TPBG: variants seen among roughly 807,000 people sequenced by gnomAD.
TPBG encodes the protein 5T4 oncofetal antigen.
TPBG carries 13 observed loss-of-function variants against 19.3 expected under a neutral mutation model. The ratio of observed to expected loss-of-function variants is 0.67; its 90% CI spans 0.44 to 1.07. TPBG has a LOEUF of 1.07. Among genes scored for constraint, TPBG ranks in the 50% least tolerant of loss-of-function variants. TPBG has a pLI of 0.00. For missense variants in TPBG, 642 were observed against 559.6 expected (o/e 1.15, Z -1.49); for synonymous variants, 338 against 259.8 (o/e 1.30, Z -2.89).
Position 82,365,171 on chromosome 6 carries a change from G to C in TPBG, c.210G>C (p.Glu70Asp). Residue 70 changes from glutamate to aspartate, a missense_variant, in exon 2 of 2, where the codon GAG (glutamate) becomes GAC (aspartate). Glu to Asp is a conservative substitution (Grantham distance 45). Coordinates refer to ENST00000369750, the MANE Select transcript of TPBG (RefSeq NM_001376922.1). ...GCCCCGCGCTGTGCGAGTGCTCCGA[G>C]GCAGCGCGCACAGTCAAGTGCGTTA... ...DQCPALCECS[E>D]AARTVKCVNR... 6.2e-7 allele frequency: 1 copy of C among 1,604,120 alleles called. No homozygotes were observed. Among genetic ancestry groups the C allele is most frequent in the Non-Finnish European group, 8.5e-7 (1 of 1,176,356 alleles).
rs957326432 is a variant in TPBG at position 82,366,635 on chromosome 6, T to A, written c.*411T>A. 5.8e-6 allele frequency: 1 copy of A among 172,404 alleles called. No homozygotes were observed. The highest frequency in any genetic ancestry group is 1.4e-5 in the Non-Finnish European group (1 of 71,548). 10.7% of individuals were successfully genotyped at this position (172,404 alleles called of 1,614,324 possible). ...TTCATAAATATCAGTTTTATTCTCA[T>A]GTACCTAAGTTGTGGAGAAAATAAT... On this transcript the variant is annotated 3_prime_UTR_variant, in exon 2 of 2. Coordinates refer to ENST00000369750, the MANE Select transcript of TPBG (RefSeq NM_001376922.1).
At position 82,366,318 on chromosome 6, in the gene TPBG, T is replaced by C; in HGVS notation, c.*94T>C. Reference sequence around the variant, plus strand: ...CTTGCTCCACTTTCATCCTCCACTATAGATACAACGGACTTTGACTAAAAG... The same window carrying C: ...CTTGCTCCACTTTCATCCTCCACTACAGATACAACGGACTTTGACTAAAAG... On this transcript the variant is annotated 3_prime_UTR_variant, in exon 2 of 2. Coordinates refer to ENST00000369750, the MANE Select transcript of TPBG (RefSeq NM_001376922.1). 2.1e-6 allele frequency: 3 copies of C among 1,396,966 alleles called. No individual in the cohort carries two copies. Among genetic ancestry groups the C allele is most frequent in the Non-Finnish European group, 2.9e-6 (3 of 1,040,598 alleles). 86.5% of individuals were successfully genotyped at this position (1,396,966 alleles called of 1,614,324 possible).
At position 82,366,003 on chromosome 6, in the gene TPBG, C is replaced by T; in HGVS notation, c.1042C>T (p.Leu348Phe). 1 of 1,613,682 alleles carries T rather than the reference C, an allele frequency of 6.2e-7. No individual in the cohort carries two copies. The highest frequency in any genetic ancestry group is 8.5e-7 in the Non-Finnish European group (1 of 1,179,752). The change falls in exon 2 of 2, where the codon CTT (leucine) becomes TTT (phenylalanine). Residue 348 changes from leucine to phenylalanine, a missense_variant. Transcript: ENST00000369750. ...NSADLDCDPILPPSLQTSYVF... is the reference protein window; with the variant it reads ...NSADLDCDPIFPPSLQTSYVF... Reference sequence around the variant, plus strand: ...TGCTGACCTGGACTGTGACCCGATTCTTCCCCCATCCCTGCAAACCTCTTA... The same window carrying T: ...TGCTGACCTGGACTGTGACCCGATTTTTCCCCCATCCCTGCAAACCTCTTA...
rs1345174170 is a variant in TPBG, at chr6:82,366,233, A to G, written c.*9A>G. The G allele has an allele frequency of 1.3e-6, 2 of 1,569,874 alleles. No homozygotes were observed. The highest frequency in any genetic ancestry group is 1.7e-6 in the Non-Finnish European group (2 of 1,159,256). ...CTAACTCGGATGTCTGAGAAATATT[A>G]GAGGACAGACCAAGGACAACTCTGC... On this transcript the variant is annotated 3_prime_UTR_variant, in exon 2 of 2. Transcript: ENST00000369750.
rs760232002 is a variant in TPBG at position 82,365,473 on chromosome 6, C to T, written c.512C>T (p.Ala171Val). The change falls in exon 2 of 2, where the codon GCC becomes GTC. Residue 171 changes from alanine (A) to valine (V), a missense_variant. Coordinates refer to ENST00000369750, the MANE Select transcript of TPBG (RefSeq NM_001376922.1). ...AFSGSNASVS[A>V]PSPLVELILN... Reference sequence around the variant, plus strand: ...TCGGGCAGCAATGCCAGCGTCTCGGCCCCCAGTCCCCTTGTGGAACTGATC... The same window carrying T: ...TCGGGCAGCAATGCCAGCGTCTCGGTCCCCAGTCCCCTTGTGGAACTGATC... The T allele has an allele frequency of 1.9e-6, 3 of 1,607,984 alleles. No individual in the cohort carries two copies. The highest frequency in any genetic ancestry group is 2.7e-5 in the African/African-American group (2 of 74,796).
chr6:82,365,629 T>G lies in TPBG; in HGVS notation c.668T>G (p.Leu223Arg). 6.2e-7 allele frequency: 1 copy of G among 1,604,868 alleles called. No homozygotes were observed. Among genetic ancestry groups the G allele is most frequent in the Non-Finnish European group, 8.5e-7 (1 of 1,175,308 alleles). The change falls in exon 2 of 2, where the codon CTT (leucine) becomes CGT (arginine). Residue 223 changes from leucine to arginine, a missense_variant. By Grantham distance (102) the Leu-to-Arg change is moderately radical. Transcript: ENST00000369750. ...RRLELASNHFLYLPRDVLAQL... is the reference protein window; with the variant it reads ...RRLELASNHFRYLPRDVLAQL... Reference sequence around the variant, plus strand: ...TTGGAGCTGGCCAGCAACCACTTCCTTTACCTGCCGCGGGATGTGCTGGCC... The same window carrying G: ...TTGGAGCTGGCCAGCAACCACTTCCGTTACCTGCCGCGGGATGTGCTGGCC...
In TPBG at chr6:82,365,062, C is replaced by T. The variant is rs1767443493; in HGVS notation, c.101C>T (p.Pro34Leu). ...VLLGWVSSSSPTSSASSFSSS... is the reference protein window; with the variant it reads ...VLLGWVSSSSLTSSASSFSSS... ...CTGGGCTGGGTCTCCTCGTCTTCTC[C>T]CACCTCCTCGGCATCCTCCTTCTCC... The change falls in exon 2 of 2, where the codon CCC becomes CTC. Residue 34 changes from proline to leucine, a missense_variant. Transcript: ENST00000369750. The T allele has an allele frequency of 1.3e-6, 2 of 1,553,800 alleles. No homozygotes were observed. The highest frequency in any genetic ancestry group is 2.4e-5 in the South Asian group (2 of 84,468).
rs752899569 is a variant in TPBG at position 82,365,581 on chromosome 6, G to A, written c.620G>A (p.Arg207His). 1.1e-5 allele frequency: 18 copies of A among 1,591,592 alleles called. No individual in the cohort carries two copies. The highest frequency in any genetic ancestry group is 1.5e-5 in the Non-Finnish European group (18 of 1,169,566). ...GTGGTGGCGGCCCTGCTGGCGGGCC[G>A]TGCACTGCAGGGGCTCCGCCGCTTG... ...GMVVAALLAG[R>H]ALQGLRRLEL... is the part of the protein sequence containing the mutation. The change falls in exon 2 of 2, where the codon CGT becomes CAT. Residue 207 changes from arginine (R) to histidine (H), a missense_variant. Transcript: ENST00000369750.
At position 82,365,220 on chromosome 6, in the gene TPBG, A is replaced by C. The variant is rs144253219; in HGVS notation, c.259A>C (p.Thr87Pro). ...TAACCGCAATCTGACCGAGGTGCCC[A>C]CGGACCTGCCCGCCTACGTGCGCAA... ...CVNRNLTEVP[T>P]DLPAYVRNLF... is the part of the protein sequence containing the mutation. The change falls in exon 2 of 2, where the codon ACG becomes CCG. Residue 87 changes from threonine (T) to proline (P), a missense_variant. Physicochemically the swap from Thr to Pro is conservative, Grantham distance 38 (BLOSUM62 -1). Coordinates refer to ENST00000369750, the MANE Select transcript of TPBG (RefSeq NM_001376922.1). The C allele has an allele frequency of 1.5e-5, 24 of 1,594,530 alleles. No homozygotes were observed. The East Asian group carries it at 5.4e-4, about 36-fold the overall frequency.
rs755349428 is a variant in TPBG, at chr6:82,365,150, C to T, written c.189C>T (p.Pro63=). 6.2e-7 allele frequency: 1 copy of T among 1,604,958 alleles called. No individual in the cohort carries two copies. Among genetic ancestry groups the T allele is most frequent in the Non-Finnish European group, 8.5e-7 (1 of 1,176,658 alleles). The part of the protein sequence containing the change: ...SAQPPLPDQC[P]ALCECSEAAR... The stretch of plus-strand genomic sequence containing the variant: ...AGCCCCCGCTGCCGGACCAGTGCCC[C>T]GCGCTGTGCGAGTGCTCCGAGGCAG... The change falls in exon 2 of 2, where the codon CCC becomes CCT. Residue 63 remains proline, a synonymous_variant. Transcript: ENST00000369750.
Position 82,365,281 on chromosome 6 carries a change from C to CT in TPBG, c.321dup (p.Ala108CysfsTer80), listed in dbSNP as rs746334462. ...ACCGGCAACCAGCTGGCCGTGCTCCCTGCCGGCGCCTTCGCCCGCCGGCCG... is the reference window on the plus strand; with the variant it reads ...ACCGGCAACCAGCTGGCCGTGCTCCCTTGCCGGCGCCTTCGCCCGCCGGCCG... On this transcript the variant is annotated frameshift_variant, in exon 2 of 2. Coordinates refer to ENST00000369750, the MANE Select transcript of TPBG (RefSeq NM_001376922.1). LOFTEE classifies it high-confidence loss of function. The CT allele has an allele frequency of 1.3e-6, 2 of 1,557,592 alleles. No homozygotes were observed. Among genetic ancestry groups the CT allele is most frequent in the East Asian group, 2.4e-5 (1 of 41,120 alleles).
chr6:82,366,354 GATTT>G lies in TPBG; in HGVS notation c.*131_*134del. 1.8e-6 allele frequency: 2 copies of G among 1,084,844 alleles called. No homozygotes were observed. The highest frequency in any genetic ancestry group is 2.6e-6 in the Non-Finnish European group (2 of 778,348). The allele number at this position is 1,084,844 out of a possible 1,614,324, so 67.2% of individuals were successfully genotyped here. A position where few individuals can be genotyped will look rare whatever the true frequency, so the allele number is the denominator to read the frequency against. Reference sequence around the variant, plus strand: ...GACTTTGACTAAAAGCAGTGAAGGGGATTTGCTTCCTTGTTATGTAAAGTTTCTC... The same window carrying G: ...GACTTTGACTAAAAGCAGTGAAGGGGGCTTCCTTGTTATGTAAAGTTTCTC... On this transcript the variant is annotated 3_prime_UTR_variant, in exon 2 of 2. Coordinates refer to ENST00000369750, the MANE Select transcript of TPBG (RefSeq NM_001376922.1).
In TPBG at chr6:82,366,472, G is replaced by T; in HGVS notation, c.*248G>T. The T allele has an allele frequency of 5.4e-6, 2 of 366,996 alleles. No individual in the cohort carries two copies. The highest frequency in any genetic ancestry group is 1.0e-5 in the Non-Finnish European group (2 of 197,164). The allele number at this position is 366,996 out of a possible 1,614,324, so 22.7% of individuals were successfully genotyped here. A position where few individuals can be genotyped will look rare whatever the true frequency, so the allele number is the denominator to read the frequency against. On this transcript the variant is annotated 3_prime_UTR_variant, in exon 2 of 2. Transcript: ENST00000369750. The stretch of plus-strand genomic sequence containing the variant: ...TTGGAACTCCTCAACACGTATGGAG[G>T]GATTTTTCAGGTTTCAGCATGAACA...
chr6:82,362,983 A>T (rs4706944), upstream of TPBG, among the ~76,000 whole-genome samples: 6 of 132,426 alleles, frequency 4.5e-5, 1 homozygote, highest in East Asian at 7.5e-4. Flanking sequence ...TGCAATCCCC[A>T]CTCCTCATCC....
At position 82,366,252 on chromosome 6, in the gene TPBG, A is replaced by G. The variant is rs765157853; in HGVS notation, c.*28A>G. On this transcript the variant is annotated 3_prime_UTR_variant, in exon 2 of 2. Transcript: ENST00000369750. ...AATATTAGAGGACAGACCAAGGACAACTCTGCATGAGATGTAGACTTAAGC... is the reference window on the plus strand; with the variant it reads ...AATATTAGAGGACAGACCAAGGACAGCTCTGCATGAGATGTAGACTTAAGC... The G allele has an allele frequency of 1.9e-6, 3 of 1,545,468 alleles. No homozygotes were observed. Among genetic ancestry groups the G allele is most frequent in the African/African-American group, 2.8e-5 (2 of 72,604 alleles).
At chr6:82,363,670 C>G (rs1030562566), upstream of TPBG, 3 of 152,454 alleles carry the variant, frequency 2.0e-5, no homozygotes, top group Non-Finnish European at 4.4e-5. Flanking sequence ...CCCAGCTCCC[C>G]TAGTCTCTCT....
In TPBG at chr6:82,365,809, G is replaced by C. The variant is rs1399873427; in HGVS notation, c.848G>C (p.Gly283Ala). The C allele has an allele frequency of 1.2e-6, 2 of 1,614,172 alleles. No homozygotes were observed. Among genetic ancestry groups the C allele is most frequent in the Non-Finnish European group, 1.7e-6 (2 of 1,180,040 alleles). Residue 283 changes from glycine to alanine, a missense_variant, in exon 2 of 2, where the codon GGT becomes GCT. Physicochemically the swap from Gly to Ala is moderately conservative, Grantham distance 60. Transcript: ENST00000369750. ...AATGGCACCCTGGCTGAGTTGCAAG[G>C]TCTACCCCACATTAGGGTTTTCCTG... The part of the protein sequence containing the change: ...LHNGTLAELQ[G>A]LPHIRVFLDN...
rs1767419066 is a variant in TPBG, at chr6:82,364,616, G to C, written c.-339-7G>C. On this transcript the variant is annotated splice_region_variant and splice_polypyrimidine_tract_variant and intron_variant, in intron 1 of 1. Transcript: ENST00000369750. ...CGCTGTTCACGCCTCTCTCCTGCTT[G>C]TCCCAGGTCCCTCAGAGGATCCAGC... 1 of 272,350 alleles carries C rather than the reference G, an allele frequency of 3.7e-6. No individual in the cohort carries two copies. The highest frequency in any genetic ancestry group is 2.2e-5 in the African/African-American group (1 of 45,146). The allele number at this position is 272,350 out of a possible 1,614,324, so 16.9% of individuals were successfully genotyped here. A position where few individuals can be genotyped will look rare whatever the true frequency, so the allele number is the denominator to read the frequency against.
upstream of TPBG, among the ~76,000 whole-genome samples, chr6:82,363,046 G>A (rs1368984712): frequency 7.3e-6 from 1 of 137,734 alleles, no homozygotes; most frequent in African/African-American, 2.6e-5. Context: ...ATCTGGGGAG[G>A]GGGGCGGGTC....
Sources: gnomAD v4.1 joint callset for allele counts (sites outside exome capture counted in the v4.1 genomes callset) on GRCh38, gnomAD v4.1.1 for gene constraint, MANE v1.5 for transcripts, NCBI Gene and HGNC (gene_info 2026-07-23, HGNC 2026-07-21) for gene names.